The following ARPC2 variants were observed in gnomAD, a reference collection of about 807,000 sequenced individuals.
ARPC2 encodes the protein actin related protein 2/3 complex subunit 2, also known as actin-related protein 2/3 complex subunit 2.
A neutral mutation model predicts 38.6 loss-of-function variants in ARPC2; 4 were observed. That is an observed-to-expected ratio of 0.10 (90% CI 0.05 to 0.24). The LOEUF is 0.24. Ranked by LOEUF, ARPC2 falls within the 10% of genes least tolerant of loss-of-function variation. The pLI is 1.00. For missense variants in ARPC2, 229 were observed against 387.3 expected (o/e 0.59, Z 3.43); for synonymous variants, 125 against 140.8 (o/e 0.89, Z 0.79).
At chr2:218,217,974 G>A (rs979024633) in intron 2 of ARPC2, among the ~76,000 whole-genome samples, 5 of 152,184 alleles carry the variant, frequency 3.3e-5, no homozygotes, top group African/African-American at 1.2e-4. Context: ...CAGGACTGGA[G>A]GAGGGAAGGA....
intron 7 of ARPC2, among the ~76,000 whole-genome samples, chr2:218,242,745 A>G (rs1689943992): frequency 6.6e-6 from 1 of 152,212 alleles, no homozygotes; most frequent in Non-Finnish European, 1.5e-5. Flanking sequence ...AGGTCAGAAC[A>G]TCTTTTCTTA....
At chr2:218,221,869 A>T (rs1359559331) in intron 2 of ARPC2, among the ~76,000 whole-genome samples, 1 of 152,226 alleles carries the variant, frequency 6.6e-6, no homozygotes, top group Non-Finnish European at 1.5e-5. Context: ...TTTATAGAAG[A>T]TTTAAAGGAG....
In ARPC2 at chr2:218,254,176, T is replaced by C; in HGVS notation, c.*261T>C. The C allele has an allele frequency of 2.2e-6, 1 of 453,184 alleles. No homozygotes were observed. The highest frequency in any genetic ancestry group is 3.9e-6 in the Non-Finnish European group (1 of 255,356). The allele number at this position is 453,184 out of a possible 1,614,324, so 28.1% of individuals were successfully genotyped here. A position where few individuals can be genotyped will look rare whatever the true frequency, so the allele number is the denominator to read the frequency against. ...TTTTCTTTATCTTCCCTCCCTCACT[T>C]CCCTTTTCTCCCACCCTCTTTTCCA... On this transcript the variant is annotated 3_prime_UTR_variant, in exon 11 of 11. Coordinates refer to ENST00000315717, the MANE Select transcript of ARPC2 (RefSeq NM_152862.3).
intron 2 of ARPC2, among the ~76,000 whole-genome samples, chr2:218,224,968 C>T (rs1689463201): frequency 6.6e-6 from 1 of 152,112 alleles, no homozygotes; most frequent in South Asian, 2.1e-4. Context: ...GCAAGTTAGA[C>T]AAAAATAAAT....
intron 10 of ARPC2, among the ~76,000 whole-genome samples, chr2:218,250,682 T>C (rs1574596929): frequency 6.7e-6 from 1 of 150,292 alleles, no homozygotes; most frequent in East Asian, 2.0e-4. Context: ...AAAAAAAAAT[T>C]TGAGGAGAGC....
At chr2:218,220,651 G>A (rs1689362371) in intron 2 of ARPC2, among the ~76,000 whole-genome samples, 1 of 151,596 alleles carries the variant, frequency 6.6e-6, no homozygotes. Flanking sequence ...CATCCTGCTG[G>A]ATCTTCTCAC....
intron 10 of ARPC2, among the ~76,000 whole-genome samples, chr2:218,250,757 A>G (rs776738135): frequency 9.9e-5 from 15 of 152,084 alleles, no homozygotes; most frequent in African/African-American, 1.9e-4. Flanking sequence ...AGAGAGTTCC[A>G]TCTTTGTGAA....
chr2:218,221,288 T>A (rs1388945990), intron 2 of ARPC2, among the ~76,000 whole-genome samples: 3 of 152,192 alleles, frequency 2.0e-5, no homozygotes, highest in African/African-American at 7.2e-5. Flanking sequence ...GCGAGGATGA[T>A]GGGAAGAGAA....
At chr2:218,219,626 A>C (rs996475038) in intron 2 of ARPC2, among the ~76,000 whole-genome samples, 2 of 152,198 alleles carry the variant, frequency 1.3e-5, no homozygotes, top group Admixed American at 1.3e-4. Flanking sequence ...CTGGGATTAC[A>C]GCACTGCTCC....
At chr2:218,225,466 T>C (rs186577450) in intron 2 of ARPC2, among the ~76,000 whole-genome samples, 1 of 152,320 alleles carries the variant, frequency 6.6e-6, no homozygotes, top group Admixed American at 6.5e-5. Context: ...GCCGTTTTGT[T>C]TATGGCCCGA....
rs1690008451 is a variant in ARPC2 at position 218,245,413 on chromosome 2, T to A, written c.550-7T>A. Reference sequence around the variant, plus strand: ...CTCTTCTGGTTGCTTTTGCTTTGTCTTGGCAGGAGTTCAAAGAAGGACGCA... The same window carrying A: ...CTCTTCTGGTTGCTTTTGCTTTGTCATGGCAGGAGTTCAAAGAAGGACGCA... On this transcript the variant is annotated splice_region_variant and splice_polypyrimidine_tract_variant and intron_variant, in intron 7 of 10. Coordinates refer to ENST00000315717, the MANE Select transcript of ARPC2 (RefSeq NM_152862.3). The A allele has an allele frequency of 6.2e-7, 1 of 1,613,944 alleles. No homozygotes were observed. The highest frequency in any genetic ancestry group is 1.1e-5 in the South Asian group (1 of 91,082).
intron 4 of ARPC2, among the ~76,000 whole-genome samples, chr2:218,231,550 CT>C (rs979445514): frequency 6.6e-6 from 1 of 151,978 alleles, no homozygotes; most frequent in Admixed American, 6.6e-5. Flanking sequence ...ATGCATGTTA[CT>C]TTTTTTTAAA....
chr2:218,217,905 G>A (rs1689292971), intron 2 of ARPC2, among the ~76,000 whole-genome samples: 1 of 152,242 alleles, frequency 6.6e-6, no homozygotes, highest in South Asian at 2.1e-4. Flanking sequence ...CCCCGGCATT[G>A]TTCTGAACCC....
chr2:218,247,979 C>T (rs1052192093), intron 8 of ARPC2, among the ~76,000 whole-genome samples: 3 of 151,882 alleles, frequency 2.0e-5, no homozygotes, highest in African/African-American at 7.3e-5. Flanking sequence ...AACAGGGTTT[C>T]CATGTTGGCC....
At chr2:218,221,086 A>G (rs562357915) in intron 2 of ARPC2, among the ~76,000 whole-genome samples, 5 of 152,368 alleles carry the variant, frequency 3.3e-5, no homozygotes, top group South Asian at 2.1e-4. Flanking sequence ...GAACCGTTTC[A>G]TAACTGAGAA....
chr2:218,223,526 T>A (rs1689430305), intron 2 of ARPC2, among the ~76,000 whole-genome samples: 1 of 152,198 alleles, frequency 6.6e-6, no homozygotes, highest in Admixed American at 6.5e-5. Context: ...TATCCACACT[T>A]TTATTTATCC....
chr2:218,224,909 A>G (rs566008162), intron 2 of ARPC2, among the ~76,000 whole-genome samples: 1 of 152,332 alleles, frequency 6.6e-6, no homozygotes, highest in East Asian at 1.9e-4. Flanking sequence ...TTTCGCAGGT[A>G]ATGGAGCAGA....
chr2:218,231,491 A>AC (rs1454662893), intron 4 of ARPC2, among the ~76,000 whole-genome samples: 1 of 152,194 alleles, frequency 6.6e-6, no homozygotes, highest in Admixed American at 6.5e-5. Flanking sequence ...AGTACGTGCA[A>AC]CACAGACTTG....
chr2:218,217,213 G>A lies in ARPC2; in HGVS notation c.-50G>A. The A allele has an allele frequency of 2.2e-6, 1 of 462,534 alleles. No individual in the cohort carries two copies. Among genetic ancestry groups the A allele is most frequent in the South Asian group, 2.9e-5 (1 of 35,060 alleles). 28.7% of individuals were successfully genotyped at this position (462,534 alleles called of 1,614,324 possible). ...TGTCGGTGAAGCGGCAGTGGCGGCG[G>A]CGGCGGCGGCTCGGCAGGCGGGTTC... is the stretch of plus-strand genomic sequence containing the variant. On this transcript the variant is annotated 5_prime_UTR_variant, in exon 1 of 11. Coordinates refer to ENST00000315717, the MANE Select transcript of ARPC2 (RefSeq NM_152862.3).
Sources: gnomAD v4.1 joint callset for allele counts (sites outside exome capture counted in the v4.1 genomes callset) on GRCh38, gnomAD v4.1.1 for gene constraint, MANE v1.5 for transcripts, NCBI Gene and HGNC (gene_info 2026-07-23, HGNC 2026-07-21) for gene names.